Variants in MYOF observed in about 807,000 individuals in gnomAD.
The protein encoded by MYOF is myoferlin.
A neutral mutation model predicts 284.2 loss-of-function variants in MYOF; 244 were observed. The observed-to-expected ratio is 0.86, with a 90% CI of 0.77 to 0.95. MYOF has a LOEUF of 0.95. Among genes scored for constraint, MYOF ranks in the 40% least tolerant of loss-of-function variants. The pLI is 0.00. For synonymous variants in MYOF, 904 were observed against 919.7 expected (o/e 0.98, Z 0.31); for missense variants, 2,496 against 2,560.6 (o/e 0.97, Z 0.54).
At chr10:93,353,584 A>G (rs772950672) in intron 32 of MYOF, among the ~76,000 whole-genome samples, 2 of 152,232 alleles carry the variant, frequency 1.3e-5, no homozygotes, top group Non-Finnish European at 2.9e-5. Context: ...AATATCTATT[A>G]GTACCAAAAG....
intron 37 of MYOF, among the ~76,000 whole-genome samples, chr10:93,346,531 A>G (rs1159877287): frequency 6.6e-6 from 1 of 152,280 alleles, no homozygotes; most frequent in Non-Finnish European, 1.5e-5. Context: ...AAAAGCAAGT[A>G]ACTATTGAAT....
At chr10:93,356,164 C>T (rs1336030191) in intron 30 of MYOF, among the ~76,000 whole-genome samples, 1 of 152,080 alleles carries the variant, frequency 6.6e-6, no homozygotes, top group African/African-American at 2.4e-5. Context: ...TTTAGATCAC[C>T]CACTGCCATT....
intron 3 of MYOF, among the ~76,000 whole-genome samples, chr10:93,446,148 C>T (rs946771988): frequency 2.6e-5 from 4 of 151,746 alleles, no homozygotes; most frequent in African/African-American, 9.7e-5. Context: ...AGAGCAGAGG[C>T]GGTGGAGGGG....
intron 1 of MYOF, among the ~76,000 whole-genome samples, chr10:93,470,343 C>A (rs754697234): frequency 3.3e-5 from 5 of 152,010 alleles, no homozygotes; most frequent in Admixed American, 6.6e-5. Flanking sequence ...AGCCAGTAAA[C>A]CATCACCATC....
chr10:93,342,053 A>G lies in MYOF; in HGVS notation c.4326+1803T>C, dbSNP rs896420926. ...AGCACTTGACCAATTTTCCCCGAAG[A>G]CTTATTTCTCACTTTTCTTGTGATA... is the stretch of plus-strand genomic sequence containing the variant. On this transcript the variant is annotated intron_variant, in intron 38 of 53. Coordinates refer to ENST00000359263, the MANE Select transcript of MYOF (RefSeq NM_013451.4). 15 of 952,940 alleles carry G rather than the reference A, an allele frequency of 1.6e-5. No homozygotes were observed. The African/African-American group carries it at 2.4e-4, about 15-fold the overall frequency. 59.0% of individuals were successfully genotyped at this position (952,940 alleles called of 1,614,324 possible). A position where few individuals can be genotyped will look rare whatever the true frequency, so the allele number is the denominator to read the frequency against.
Position 93,369,695 on chromosome 10 carries a change from T to C in MYOF, c.2539A>G (p.Lys847Glu). The change falls in exon 25 of 54, where the codon AAG (lysine) becomes GAG (glutamate). Residue 847 changes from lysine (K) to glutamate (E), a missense_variant. Lys to Glu is a moderately conservative substitution (Grantham distance 56). Around this residue, in one of 3 missense-constraint regions of MYOF, gnomAD observed 2,436 missense variants for 2,480.7 expected, o/e 0.98. Coordinates refer to ENST00000359263, the MANE Select transcript of MYOF (RefSeq NM_013451.4). ...CCTTCTGCGAAGCTGTTAAACTTCT[T>C]CTCCACAGCACTTAAGCCTAGCCAG... ...NIWLGLSAVE[K>E]KFNSFAEGTF... 1 of 1,614,200 alleles carries C rather than the reference T, an allele frequency of 6.2e-7. No homozygotes were observed. The highest frequency in any genetic ancestry group is 8.5e-7 in the Non-Finnish European group (1 of 1,180,020).
At chr10:93,361,324 G>T (rs1335805469) in intron 28 of MYOF, 128 bp downstream of exon 28, 1 of 836,090 alleles carries the variant, frequency 1.2e-6, no homozygotes, top group Non-Finnish European at 1.9e-6. Context: ...TACCAGTCTG[G>T]CCTGGGGGCT....
At chr10:93,354,701 C>T (rs1238971498) in intron 31 of MYOF, among the ~76,000 whole-genome samples, 1 of 150,394 alleles carries the variant, frequency 6.6e-6, no homozygotes, top group Admixed American at 6.7e-5. Flanking sequence ...CTCTCTCTCT[C>T]TTTGTGAGAT....
chr10:93,319,966 T>C lies in MYOF; in HGVS notation c.5504A>G (p.Tyr1835Cys). The C allele has an allele frequency of 1.2e-6, 2 of 1,614,174 alleles. No homozygotes were observed. Among genetic ancestry groups the C allele is most frequent in the Non-Finnish European group, 1.7e-6 (2 of 1,180,016 alleles). ...ATTCCCTTCACCATCCAAAGATCTG[T>C]AATGGACATCTGTTTTCTGTTTGTT... The part of the protein sequence containing the change: ...EENKQKTDVH[Y>C]RSLDGEGNFN... The change falls in exon 49 of 54, where the codon TAC (tyrosine) becomes TGC (cysteine). Residue 1835 changes from tyrosine to cysteine, a missense_variant. Physicochemically the swap from Tyr to Cys is radical, Grantham distance 194. Transcript: ENST00000359263.
intron 43 of MYOF, among the ~76,000 whole-genome samples, chr10:93,332,226 A>ATT (rs10657534): frequency 0.59 from 87,749 of 147,612 alleles, 26,726 homozygotes; most frequent in East Asian, 0.91. Flanking sequence ...TCATTCTTTT[A>ATT]TTTTTTTTTT....
intron 1 of MYOF, among the ~76,000 whole-genome samples, chr10:93,466,054 G>A (rs2057003186): frequency 6.6e-6 from 1 of 152,150 alleles, no homozygotes; most frequent in South Asian, 2.1e-4. Context: ...CAGCCTCCAG[G>A]AGCTGGCTAA....
rs1848651100 is a variant in MYOF at position 93,427,532 on chromosome 10, A to G, written c.346-1374T>C. On this transcript the variant is annotated intron_variant, in intron 4 of 53. Coordinates refer to ENST00000359263, the MANE Select transcript of MYOF (RefSeq NM_013451.4). ...CGTGACAGAGCTAGACTCCGTCTCA[A>G]AAAAAAAAAAAAAAAAAAAAGTGAC... 4.1e-4 allele frequency among the ~76,000 whole-genome samples: 3 copies of G among 7,316 alleles called. No homozygotes were observed. The Admixed American group carries it at 8.6e-3, about 21-fold the overall frequency. 4.8% of individuals were successfully genotyped at this position (7,316 alleles called of 152,430 possible).
At chr10:93,319,097 G>C (rs978042719) in intron 49 of MYOF, among the ~76,000 whole-genome samples, 1 of 152,142 alleles carries the variant, frequency 6.6e-6, no homozygotes, top group African/African-American at 2.4e-5. Flanking sequence ...GGTTGGTTCA[G>C]GGATAGGCAC....
In MYOF at chr10:93,323,376, GAA is replaced by G; in HGVS notation, c.5272-20_5272-19del. 6.3e-7 allele frequency: 1 copy of G among 1,591,778 alleles called. No homozygotes were observed. Among genetic ancestry groups the G allele is most frequent in the Non-Finnish European group, 8.6e-7 (1 of 1,164,122 alleles). ...AGTTTTCCCTAAACCATTTGAAAATGAAAAGAGGACTGAAGTTATATGATGGG... is the reference window on the plus strand; with the variant it reads ...AGTTTTCCCTAAACCATTTGAAAATGAAGAGGACTGAAGTTATATGATGGG... On this transcript the variant is annotated intron_variant, in intron 46 of 53. Transcript: ENST00000359263.
chr10:93,333,947 CT>C (rs1334545157), intron 41 of MYOF, 34 bp from the exon 42 acceptor site: 2 of 1,601,756 alleles, frequency 1.2e-6, no homozygotes, highest in Admixed American at 3.4e-5. Flanking sequence ...TCACAGGGCC[CT>C]GGGTGGCCCA....
chr10:93,400,458 C>T (rs1255679946), intron 12 of MYOF, among the ~76,000 whole-genome samples: 1 of 151,810 alleles, frequency 6.6e-6, no homozygotes, highest in Non-Finnish European at 1.5e-5. Flanking sequence ...GACCCACTGC[C>T]TCCAGCCCAT....
intron 1 of MYOF, among the ~76,000 whole-genome samples, chr10:93,472,919 T>G (rs2057182288): frequency 6.6e-6 from 1 of 152,152 alleles, no homozygotes; most frequent in Non-Finnish European, 1.5e-5. Context: ...GCACCTGTCA[T>G]GCAACATTCT....
chr10:93,369,894 G>A, intron 24 of MYOF, 118 bp from the exon 25 acceptor site: 1 of 1,266,642 alleles, frequency 7.9e-7, no homozygotes, highest in African/African-American at 1.5e-5. Context: ...CTAATTTTAT[G>A]TTTGCTTCAG....
chr10:93,351,459 G>C lies in MYOF; in HGVS notation c.3776C>G (p.Ala1259Gly). 6.2e-7 allele frequency: 1 copy of C among 1,614,200 alleles called. No individual in the cohort carries two copies. The highest frequency in any genetic ancestry group is 8.5e-7 in the Non-Finnish European group (1 of 1,180,046). The change falls in exon 34 of 54, where the codon GCC becomes GGC. Residue 1259 changes from alanine to glycine, a missense_variant. Ala to Gly is a moderately conservative substitution (Grantham distance 60). This residue lies in a region of MYOF where 2,436 missense variants were observed against 2,480.7 expected (regional missense o/e 0.98). Coordinates refer to ENST00000359263, the MANE Select transcript of MYOF (RefSeq NM_013451.4). The stretch of plus-strand genomic sequence containing the variant: ...TGCAGTTACAAGAACATCCCCGCAG[G>C]CTTTGTCTCCATTCATTACTGGGTG... ...LWHPVMNGDK[A>G]CGDVLVTAEL...
Sources: gnomAD v4.1 joint callset for allele counts (sites outside exome capture counted in the v4.1 genomes callset) on GRCh38, gnomAD v4.1.1 for gene constraint, gnomAD v4.1.1 regional missense constraint, MANE v1.5 for transcripts, NCBI Gene and HGNC (gene_info 2026-07-23, HGNC 2026-07-21) for gene names.